Variants in NBEA observed in about 807,000 individuals in gnomAD.
NBEA encodes the protein lysosomal-trafficking regulator 2.
Under a neutral mutation model 343.4 loss-of-function variants are expected in NBEA, and 44 were observed. That is an observed-to-expected ratio of 0.13 (90% CI 0.10 to 0.16). The LOEUF (loss-of-function observed/expected upper bound fraction) is 0.16, where lower values mean the gene tolerates loss of function less well. Among genes scored for constraint, NBEA ranks in the 10% least tolerant of loss-of-function variants. NBEA has a pLI of 1.00. For synonymous variants in NBEA, 1,175 were observed against 1,238.7 expected, an observed-to-expected ratio of 0.95 and a Z score of 1.08; for missense variants, 2,555 against 3,631.3, an observed-to-expected ratio of 0.70 and a Z score of 7.62.
chr13:35,549,398 T>A (rs970216671), intron 41 of NBEA, among the ~76,000 whole-genome samples: 2 of 152,178 alleles, frequency 1.3e-5, no homozygotes, highest in Non-Finnish European at 2.9e-5. Context: ...CAAATATAAG[T>A]GCGGTAGAGT....
At chr13:35,630,107 T>A (rs2083389188) in intron 49 of NBEA, among the ~76,000 whole-genome samples, 1 of 152,128 alleles carries the variant, frequency 6.6e-6, no homozygotes, top group Non-Finnish European at 1.5e-5. Flanking sequence ...AAGCATCTTA[T>A]ATGTGATGAA....
intron 1 of NBEA, among the ~76,000 whole-genome samples, chr13:34,966,165 G>T (rs117667774): frequency 0.046 from 6,948 of 152,152 alleles, 236 homozygotes; most frequent in Non-Finnish European, 0.067. Context: ...GGAATTTGAA[G>T]CTAAGAACTT....
intron 4 of NBEA, among the ~76,000 whole-genome samples, chr13:35,047,233 T>A (rs985264704): frequency 2.6e-4 from 36 of 139,610 alleles, no homozygotes; most frequent in African/African-American, 9.6e-4. Flanking sequence ...GTGTGTATTT[T>A]TTTTAACAGC....
chr13:35,251,569 G>C, intron 34 of NBEA: 1 of 1,201,398 alleles, frequency 8.3e-7, no homozygotes, highest in Non-Finnish European at 1.1e-6. Flanking sequence ...CTTCAGGAAG[G>C]CGTTCACAGA....
At chr13:35,312,411 A>C (rs1311303855) in intron 36 of NBEA, among the ~76,000 whole-genome samples, 1 of 152,218 alleles carries the variant, frequency 6.6e-6, no homozygotes, top group African/African-American at 2.4e-5. Flanking sequence ...TAGCGGCAAG[A>C]GAATAGTGAG....
chr13:35,152,411 C>T (rs1025173529), intron 18 of NBEA, among the ~76,000 whole-genome samples: 1 of 152,050 alleles, frequency 6.6e-6, no homozygotes, highest in African/African-American at 2.4e-5. Context: ...TGTAAAGATT[C>T]TCTGACCCAA....
At chr13:35,295,603 A>G (rs2036075393) in intron 35 of NBEA, among the ~76,000 whole-genome samples, 1 of 152,200 alleles carries the variant, frequency 6.6e-6, no homozygotes, top group South Asian at 2.1e-4. Context: ...GTCACCTCAG[A>G]TAACAATATT....
At chr13:35,169,430 A>C (rs2070294252) in intron 25 of NBEA, among the ~76,000 whole-genome samples, 2 of 151,546 alleles carry the variant, frequency 1.3e-5, no homozygotes, top group Non-Finnish European at 3.0e-5. Context: ...TGTTGTGTTG[A>C]AAGTGCCTTC....
intron 38 of NBEA, among the ~76,000 whole-genome samples, chr13:35,384,085 G>A (rs1305742714): frequency 6.6e-6 from 1 of 152,000 alleles, no homozygotes; most frequent in South Asian, 2.1e-4. Flanking sequence ...TAATACCAAG[G>A]CCCAGTCACA....
intron 38 of NBEA, among the ~76,000 whole-genome samples, chr13:35,425,461 G>T (rs1351145462): frequency 1.3e-5 from 2 of 152,314 alleles, no homozygotes; most frequent in African/African-American, 4.8e-5. Context: ...GCGGTTTTGA[G>T]TGAGTTTCTT....
chr13:35,302,987 A>C (rs1404881102), intron 35 of NBEA, among the ~76,000 whole-genome samples: 1 of 152,160 alleles, frequency 6.6e-6, no homozygotes, highest in Non-Finnish European at 1.5e-5. Flanking sequence ...TTGGTATTTC[A>C]ATTTAAAGTT....
At chr13:35,053,648 A>T (rs544565618) in intron 6 of NBEA, among the ~76,000 whole-genome samples, 2 of 152,252 alleles carry the variant, frequency 1.3e-5, no homozygotes, top group East Asian at 3.9e-4. Flanking sequence ...CTTGGCATAA[A>T]GTAGGCTCAG....
chr13:35,413,208 A>G (rs963872819), intron 38 of NBEA, among the ~76,000 whole-genome samples: 1 of 152,140 alleles, frequency 6.6e-6, no homozygotes, highest in Non-Finnish European at 1.5e-5. Flanking sequence ...TAAAATGTGT[A>G]TTGAAGGAGA....
intron 35 of NBEA, among the ~76,000 whole-genome samples, chr13:35,308,948 AT>A (rs888270480): frequency 9.9e-5 from 15 of 151,584 alleles, no homozygotes; most frequent in African/African-American, 3.6e-4. Context: ...TCTATTACAT[AT>A]TTAGCCATAG....
chr13:35,282,553 CA>C (rs1205946355), intron 34 of NBEA, among the ~76,000 whole-genome samples: 20 of 151,950 alleles, frequency 1.3e-4, no homozygotes, highest in Admixed American at 1.3e-3. Context: ...AAATTTAACC[CA>C]AAAATAATTG....
chr13:35,670,743 A>G (rs2085583386), intron 58 of NBEA, among the ~76,000 whole-genome samples, 158 bp from the exon 59 acceptor site: 1 of 152,260 alleles, frequency 6.6e-6, no homozygotes, highest in South Asian at 2.1e-4. Context: ...AAGAAATTTC[A>G]GTCCTACTTC....
chr13:35,448,916 G>A (rs921184768), intron 39 of NBEA, among the ~76,000 whole-genome samples: 13 of 152,172 alleles, frequency 8.5e-5, no homozygotes, highest in Middle Eastern at 3.2e-3. Context: ...AGCTGTTAAC[G>A]TGCAGTAGGG....
At chr13:35,029,905 T>C (rs2152547790) in intron 1 of NBEA, among the ~76,000 whole-genome samples, 1 of 151,816 alleles carries the variant, frequency 6.6e-6, no homozygotes, top group African/African-American at 2.4e-5. Context: ...TAAGACTGAT[T>C]CTTGAGTAGC....
chr13:35,484,846 T>G (rs2027560), intron 41 of NBEA, among the ~76,000 whole-genome samples: 68,255 of 151,820 alleles, frequency 0.45, 18,078 homozygotes, highest in Non-Finnish European at 0.59. Context: ...ACCCCTGTTA[T>G]TGATTATGTT....
Sources: allele counts gnomAD v4.1 joint callset (sites outside exome capture counted in the v4.1 genomes callset), GRCh38; gene constraint gnomAD v4.1.1; transcripts MANE v1.5; gene names NCBI Gene and HGNC (gene_info 2026-07-23, HGNC 2026-07-21).